NPTXR: variants seen among roughly 807,000 people sequenced by gnomAD.
NPTXR encodes the protein neuronal pentraxin receptor.
A neutral mutation model predicts 32.2 loss-of-function variants in NPTXR; 12 were observed. The ratio of observed to expected loss-of-function variants is 0.37; its 90% confidence interval spans 0.24 to 0.60. NPTXR has a LOEUF of 0.60. NPTXR is among the 20% of genes least tolerant of loss of function. The probability of loss-of-function intolerance (pLI) is 0.66; values close to 1 mark genes in which losing one functional copy is unlikely to be tolerated. For missense variants in NPTXR, 612 were observed against 682.9 expected (o/e 0.90, Z 1.16); for synonymous variants, 323 against 315.8 (o/e 1.02, Z -0.24).
Position 38,843,867 on chromosome 22 carries a change from G to C in NPTXR, c.-9C>G. 1 of 991,620 alleles carries C rather than the reference G, an allele frequency of 1.0e-6. No homozygotes were observed. The highest frequency in any genetic ancestry group is 1.2e-6 in the Non-Finnish European group (1 of 836,528). 61.4% of individuals were successfully genotyped at this position (991,620 alleles called of 1,614,324 possible). On this transcript the variant is annotated 5_prime_UTR_variant, in exon 1 of 5. Transcript: ENST00000333039. The surrounding 1 kb of genome is among the most constrained non-coding windows in gnomAD (Gnocchi z 5.3). ...ACGGCCAGGAACTTCAGCGTGAGGC[G>C]GGCGGCGGGGGCGCCCGAGGCCCCC...
chr22:38,832,445 C>T (rs1415790689), intron 1 of NPTXR, among the ~76,000 whole-genome samples: 7 of 152,276 alleles, frequency 4.6e-5, no homozygotes, highest in African/African-American at 1.2e-4. Flanking sequence ...TGGGGTTTGG[C>T]GTAAGTGTGC....
At position 38,828,417 on chromosome 22, in the gene NPTXR, C is replaced by A. The variant is rs755933882; in HGVS notation, c.720G>T (p.Gly240=). The A allele has an allele frequency of 1.9e-6, 3 of 1,612,532 alleles. No individual in the cohort carries two copies. The highest frequency in any genetic ancestry group is 2.5e-6 in the Non-Finnish European group (3 of 1,179,830). Reference sequence around the variant, plus strand: ...GTGCCAGCACCTGGGCCAGCAGCTGCCCCTCCAGCTGGTCCATCTTGGAGT... The same window carrying A: ...GTGCCAGCACCTGGGCCAGCAGCTGACCCTCCAGCTGGTCCATCTTGGAGT... The change falls in exon 2 of 5, where the codon GGG becomes GGT. Residue 240 remains glycine (G), a synonymous_variant. Coordinates refer to ENST00000333039, the MANE Select transcript of NPTXR (RefSeq NM_014293.4).
At chr22:38,841,105 G>A (rs1948826149) in intron 1 of NPTXR, among the ~76,000 whole-genome samples, 1 of 152,200 alleles carries the variant, frequency 6.6e-6, no homozygotes, top group Non-Finnish European at 1.5e-5. Context: ...ATTGGACAGT[G>A]GCTAACGGGT....
chr22:38,834,677 G>A lies in NPTXR; in HGVS notation c.625-6165C>T, dbSNP rs1034961118. Among the ~76,000 whole-genome samples, 5 of 151,912 alleles carry A rather than the reference G, an allele frequency of 3.3e-5. No homozygotes were observed. Among genetic ancestry groups the A allele is most frequent in the Non-Finnish European group, 7.4e-5 (5 of 68,016 alleles). On this transcript the variant is annotated intron_variant, in intron 1 of 4. Coordinates refer to ENST00000333039, the MANE Select transcript of NPTXR (RefSeq NM_014293.4). This position sits in a 1 kb window ranked among gnomAD's most constrained non-coding sequence, Gnocchi z 4.4. ...AACATGGCGTCGTAGTTGCAGACAC[G>A]AACTGTCACGTTAGACAGGCCAGCG...
At chr22:38,823,605 A>G (rs11913430) in intron 3 of NPTXR, among the ~76,000 whole-genome samples, 1,793 of 152,366 alleles carry the variant, frequency 0.012, 29 homozygotes, top group African/African-American at 0.041. Context: ...GCACACAGCT[A>G]GGGCTCAAGA....
At chr22:38,837,382 G>C (rs1163706844) in intron 1 of NPTXR, among the ~76,000 whole-genome samples, 1 of 152,194 alleles carries the variant, frequency 6.6e-6, no homozygotes, top group East Asian at 1.9e-4. Flanking sequence ...ACAGCCCCCC[G>C]CCATTCCCTT....
At chr22:38,832,122 C>T (rs187356557) in intron 1 of NPTXR, among the ~76,000 whole-genome samples, 1 of 152,326 alleles carries the variant, frequency 6.6e-6, no homozygotes, top group African/African-American at 2.4e-5. Context: ...GGGGTGTGCG[C>T]TCAAGCTGTT....
chr22:38,822,418 G>T lies in NPTXR; in HGVS notation c.*191C>A. 1.7e-6 allele frequency: 1 copy of T among 602,138 alleles called. No individual in the cohort carries two copies. Among genetic ancestry groups the T allele is most frequent in the Non-Finnish European group, 3.0e-6 (1 of 336,928 alleles). The allele number at this position is 602,138 out of a possible 1,614,324, so 37.3% of individuals were successfully genotyped here. On this transcript the variant is annotated 3_prime_UTR_variant, in exon 5 of 5. Transcript: ENST00000333039. ...ACTTGAGACGCTCCTCCCCACTCAG[G>T]TGGGGACAGGGGACACACTCGCAGG...
intron 1 of NPTXR, among the ~76,000 whole-genome samples, chr22:38,832,774 A>ATGGGT: frequency 6.6e-6 from 1 of 152,286 alleles, no homozygotes; most frequent in South Asian, 2.1e-4. Flanking sequence ...TCAGGCTCAC[A>ATGGGT]CTGATGGTCT....
In NPTXR at chr22:38,843,406, G is replaced by C. The variant is rs2093134694; in HGVS notation, c.453C>G (p.Ile151Met). 1 of 1,415,752 alleles carries C rather than the reference G, an allele frequency of 7.1e-7. No homozygotes were observed. 87.7% of individuals were successfully genotyped at this position (1,415,752 alleles called of 1,614,324 possible). A position where few individuals can be genotyped will look rare whatever the true frequency, so the allele number is the denominator to read the frequency against. Residue 151 changes from isoleucine (I) to methionine (M), a missense_variant, in exon 1 of 5, where the codon ATC becomes ATG. Transcript: ENST00000333039. The surrounding 1 kb of genome is among the most constrained non-coding windows in gnomAD (Gnocchi z 5.3). The stretch of plus-strand genomic sequence containing the variant: ...GGCCCAGCTTGCCGGTGAGCTCACG[G>C]ATGGTGTCCTGGTCGGCGCGGATGC...
rs956307772 is a variant in NPTXR at position 38,820,204 on chromosome 22, T to C, written c.*2405A>G. The C allele has an allele frequency of 6.5e-6, 1 of 152,686 alleles. No homozygotes were observed. The highest frequency in any genetic ancestry group is 2.4e-5 in the African/African-American group (1 of 41,450). The allele number at this position is 152,686 out of a possible 1,614,324, so 9.5% of individuals were successfully genotyped here. On this transcript the variant is annotated 3_prime_UTR_variant, in exon 5 of 5. Coordinates refer to ENST00000333039, the MANE Select transcript of NPTXR (RefSeq NM_014293.4). ...CACTTGGGTTGATGTCTTTGGCTGTTACCGTGGCAACCTAGGTCTCAGCAG... is the reference window on the plus strand; with the variant it reads ...CACTTGGGTTGATGTCTTTGGCTGTCACCGTGGCAACCTAGGTCTCAGCAG...
chr22:38,842,718 C>T (rs1333637822), intron 1 of NPTXR, among the ~76,000 whole-genome samples: 1 of 152,116 alleles, frequency 6.6e-6, no homozygotes, highest in Admixed American at 6.5e-5. Context: ...TGGTGAGGGG[C>T]ACCCAGGTTT....
intron 1 of NPTXR, among the ~76,000 whole-genome samples, chr22:38,837,984 C>T (rs1019979291): frequency 6.6e-6 from 1 of 151,958 alleles, no homozygotes; most frequent in Non-Finnish European, 1.5e-5. Context: ...GCTTCCCAAG[C>T]AGCTGGGACC....
At chr22:38,825,264 A>G (rs1810169364) in intron 3 of NPTXR, among the ~76,000 whole-genome samples, 1 of 152,042 alleles carries the variant, frequency 6.6e-6, no homozygotes, top group South Asian at 2.1e-4. Context: ...GGGAGGGGTT[A>G]AAAGGTGGTT....
Position 38,826,430 on chromosome 22 carries a change from C to T in NPTXR, c.1098+70G>A, listed in dbSNP as rs906064091. On this transcript the variant is annotated intron_variant, in intron 3 of 4. Coordinates refer to ENST00000333039, the MANE Select transcript of NPTXR (RefSeq NM_014293.4). ...AGAATGAGCAGGAGAATGAAAGAGC[C>T]CAGTGTGGAGTGGGTGCTTCTGGAA... 8 of 1,517,814 alleles carry T rather than the reference C, an allele frequency of 5.3e-6. No individual in the cohort carries two copies. In the African/African-American group the frequency reaches 5.5e-5, roughly 10 times the overall value. 94.0% of individuals were successfully genotyped at this position (1,517,814 alleles called of 1,614,324 possible).
At position 38,828,246 on chromosome 22, in the gene NPTXR, T is replaced by C. The variant is rs774777737; in HGVS notation, c.850+41A>G. 1.6e-5 allele frequency: 25 copies of C among 1,526,148 alleles called. No homozygotes were observed. The Admixed American group carries it at 4.2e-4, about 26-fold the overall frequency. The allele number at this position is 1,526,148 out of a possible 1,614,324, so 94.5% of individuals were successfully genotyped here. A position where few individuals can be genotyped will look rare whatever the true frequency, so the allele number is the denominator to read the frequency against. The stretch of plus-strand genomic sequence containing the variant: ...TATTTTTTGAATGGCTCTGTCATCC[T>C]GAGGACCCCTCCAATGCCCTCTGCA... On this transcript the variant is annotated intron_variant, in intron 2 of 4. Transcript: ENST00000333039.
At position 38,826,566 on chromosome 22, in the gene NPTXR, C is replaced by G. The variant is rs760729256; in HGVS notation, c.1032G>C (p.Gly344=). The G allele has an allele frequency of 3.1e-6, 5 of 1,614,108 alleles. No individual in the cohort carries two copies. Among genetic ancestry groups the G allele is most frequent in the Non-Finnish European group, 4.2e-6 (5 of 1,180,048 alleles). The stretch of plus-strand genomic sequence containing the variant: ...CTAGCAGTACAATCTCGTTGGCCTG[C>G]CCGGGCACTGAGTAGGAGAAGGGGG... The change falls in exon 3 of 5, where the codon GGG becomes GGC. Residue 344 remains glycine (G), a synonymous_variant. Coordinates refer to ENST00000333039, the MANE Select transcript of NPTXR (RefSeq NM_014293.4).
Position 38,843,843 on chromosome 22 carries a change from C to T in NPTXR, c.16G>A (p.Val6Met). 9.9e-7 allele frequency: 1 copy of T among 1,008,882 alleles called. No homozygotes were observed. 62.5% of individuals were successfully genotyped at this position (1,008,882 alleles called of 1,614,324 possible). ...GCCAGCATGCCCGCGGCCAGCAGCA[C>T]GGCCAGGAACTTCAGCGTGAGGCGG... Residue 6 changes from valine to methionine, a missense_variant, in exon 1 of 5, where the codon GTG becomes ATG. Transcript: ENST00000333039. The surrounding 1 kb of genome is among the most constrained non-coding windows in gnomAD (Gnocchi z 5.3).
rs201081137 is a variant in NPTXR, at chr22:38,822,719, T to A, written c.1393A>T (p.Thr465Ser). 4.5e-5 allele frequency: 72 copies of A among 1,614,114 alleles called. No individual in the cohort carries two copies. Among genetic ancestry groups the A allele is most frequent in the Admixed American group, 3.3e-5 (2 of 60,026 alleles). ...AGGACGTTGCCCAGCAGTGGCGCAGTGCAGTTGGCAATGCCCAGGACCTGG... is the reference window on the plus strand; with the variant it reads ...AGGACGTTGCCCAGCAGTGGCGCAGAGCAGTTGGCAATGCCCAGGACCTGG... Residue 465 changes from threonine (T) to serine (S), a missense_variant, in exon 5 of 5, where the codon ACT (threonine) becomes TCT (serine). Coordinates refer to ENST00000333039, the MANE Select transcript of NPTXR (RefSeq NM_014293.4).
Sources: allele counts gnomAD v4.1 joint callset (sites outside exome capture counted in the v4.1 genomes callset), GRCh38; gene constraint gnomAD v4.1.1; non-coding constraint Gnocchi (gnomAD v3.1); transcripts MANE v1.5; gene names NCBI Gene and HGNC (gene_info 2026-07-23, HGNC 2026-07-21).